CALCRL: variants seen among roughly 807,000 people sequenced by gnomAD.
CALCRL encodes calcitonin receptor like receptor.
Under a neutral mutation model 60.4 loss-of-function variants are expected in CALCRL, and 27 were observed. The observed-to-expected ratio is 0.45, with a 90% confidence interval of 0.33 to 0.62. The LOEUF is 0.62. Among genes scored for constraint, CALCRL ranks in the 20% least tolerant of loss-of-function variants. The pLI, the probability that CALCRL is intolerant of heterozygous loss-of-function variation, is 0.03. For synonymous variants in CALCRL, 190 were observed against 182.6 expected, an observed-to-expected ratio of 1.04 and a Z score of -0.33; for missense variants, 424 against 540.7, an observed-to-expected ratio of 0.78 and a Z score of 2.14.
At position 187,345,901 on chromosome 2, in the gene CALCRL, T is replaced by C. The variant is rs370295233; in HGVS notation, c.*283A>G. 7 of 268,702 alleles carry C rather than the reference T, an allele frequency of 2.6e-5. No homozygotes were observed. The highest frequency in any genetic ancestry group is 8.9e-5 in the African/African-American group (4 of 45,036). 16.6% of individuals were successfully genotyped at this position (268,702 alleles called of 1,614,324 possible). A position where few individuals can be genotyped will look rare whatever the true frequency, so the allele number is the denominator to read the frequency against. ...GCTTACACCAGCTCAGAAAAGTTGA[T>C]TGTGCTTTTCTCCAATTCCACACTT... On this transcript the variant is annotated 3_prime_UTR_variant, in exon 15 of 15. Transcript: ENST00000392370.
intron 8 of CALCRL, among the ~76,000 whole-genome samples, chr2:187,364,287 G>A (rs767663428): frequency 3.3e-5 from 5 of 152,102 alleles, no homozygotes; most frequent in African/African-American, 9.7e-5. Context: ...CTGCCTGCCC[G>A]TGTTCAAGCG....
chr2:187,402,113 G>A (rs1185211718), intron 1 of CALCRL, among the ~76,000 whole-genome samples: 1 of 151,386 alleles, frequency 6.6e-6, no homozygotes, highest in Non-Finnish European at 1.5e-5. Context: ...ACTAAAATTT[G>A]TTTCTCTGGT....
intron 1 of CALCRL, among the ~76,000 whole-genome samples, chr2:187,393,437 T>C (rs1049257126): frequency 6.6e-6 from 1 of 152,112 alleles, no homozygotes; most frequent in Non-Finnish European, 1.5e-5. Flanking sequence ...AAGCAAAATA[T>C]TCTGCAGTGT....
At chr2:187,357,186 A>T (rs1686830981) in intron 12 of CALCRL, among the ~76,000 whole-genome samples, 1 of 152,124 alleles carries the variant, frequency 6.6e-6, no homozygotes, top group Non-Finnish European at 1.5e-5. Context: ...TCATTCTACT[A>T]TAAAGACACA....
At position 187,375,176 on chromosome 2, in the gene CALCRL, G is replaced by A. The variant is rs1687699070; in HGVS notation, c.500+3764C>T. 2.0e-5 allele frequency among the ~76,000 whole-genome samples: 3 copies of A among 150,882 alleles called. No homozygotes were observed. The South Asian group carries it at 6.3e-4, about 31-fold the overall frequency. ...AGTCCCAGCTACTCGGGAGGCTGAG[G>A]CAGGAGAATGGCGTGAACCCGGGAA... On this transcript the variant is annotated intron_variant, in intron 8 of 14. Transcript: ENST00000392370.
At chr2:187,360,814 C>T (rs893742754) in intron 9 of CALCRL, 63 bp from the exon 10 acceptor site, 2 of 1,448,372 alleles carry the variant, frequency 1.4e-6, no homozygotes, top group Admixed American at 4.3e-5. Context: ...AAGCAATACT[C>T]TAGTTTAGCT....
intron 1 of CALCRL, among the ~76,000 whole-genome samples, chr2:187,401,734 T>C (rs1031870383): frequency 2.0e-5 from 3 of 151,774 alleles, no homozygotes; most frequent in Middle Eastern, 6.8e-3. Context: ...AGATATTTTA[T>C]TATATTTGTG....
intron 14 of CALCRL, among the ~76,000 whole-genome samples, chr2:187,348,459 AG>A (rs1330727647): frequency 6.6e-6 from 1 of 151,692 alleles, no homozygotes; most frequent in Admixed American, 6.6e-5. Flanking sequence ...TTCTATATAA[AG>A]TATGAGAAAA....
intron 1 of CALCRL, among the ~76,000 whole-genome samples, chr2:187,443,922 A>ACAAATGAGT (rs1691047291): frequency 6.6e-6 from 1 of 151,730 alleles, no homozygotes; most frequent in Non-Finnish European, 1.5e-5. Context: ...GGTTCAAATT[A>ACAAATGAGT]ACACTCATTT....
At chr2:187,363,347 A>T (rs761469989) in intron 9 of CALCRL, 29 bp downstream of exon 9, 16 of 1,597,036 alleles carry the variant, frequency 1.0e-5, no homozygotes, top group Non-Finnish European at 1.2e-5. Flanking sequence ...TAGGCCCTTG[A>T]ACCAAGGGCA....
rs1686126316 is a variant in CALCRL at position 187,342,484 on chromosome 2, T to C, written c.*3700A>G. 2.0e-5 allele frequency among the ~76,000 whole-genome samples: 3 copies of C among 151,694 alleles called. No homozygotes were observed. The highest frequency in any genetic ancestry group is 3.8e-4 in the East Asian group (2 of 5,196). Reference sequence around the variant, plus strand: ...TAAAACCAACTTGAGGAGGTCTATATTGTAATTAACACTCTCATGTACCTA... The same window carrying C: ...TAAAACCAACTTGAGGAGGTCTATACTGTAATTAACACTCTCATGTACCTA... On this transcript the variant is annotated 3_prime_UTR_variant, in exon 15 of 15. Coordinates refer to ENST00000392370, the MANE Select transcript of CALCRL (RefSeq NM_005795.6).
chr2:187,359,466 G>T (rs964995452), intron 10 of CALCRL, among the ~76,000 whole-genome samples, 194 bp from the exon 11 acceptor site: 7 of 152,040 alleles, frequency 4.6e-5, no homozygotes, highest in Admixed American at 2.0e-4. Flanking sequence ...ACATTTTTGT[G>T]TTTGTGTGTT....
intron 12 of CALCRL, among the ~76,000 whole-genome samples, chr2:187,352,930 C>CT (rs1686599094): frequency 6.6e-6 from 1 of 151,752 alleles, no homozygotes; most frequent in South Asian, 2.1e-4. Context: ...CATTCTAGAG[C>CT]TAAAATAATT....
At chr2:187,376,262 G>C (rs1019892916) in intron 8 of CALCRL, among the ~76,000 whole-genome samples, 1 of 151,924 alleles carries the variant, frequency 6.6e-6, no homozygotes, top group Non-Finnish European at 1.5e-5. Flanking sequence ...TTTTTTAATT[G>C]AGCTATTTTT....
intron 1 of CALCRL, among the ~76,000 whole-genome samples, chr2:187,444,214 G>A (rs141124130): frequency 8.6e-5 from 13 of 151,624 alleles, no homozygotes; most frequent in African/African-American, 3.1e-4. Context: ...TTATACAAAA[G>A]TTTATGTCAT....
intron 9 of CALCRL, among the ~76,000 whole-genome samples, chr2:187,361,213 C>G (rs538438131): frequency 6.6e-6 from 1 of 152,118 alleles, no homozygotes; most frequent in South Asian, 2.1e-4. Context: ...CATGCAAATG[C>G]TTATTAAGAA....
Position 187,346,320 on chromosome 2 carries a change from C to A in CALCRL, c.1250G>T (p.Arg417Leu). The change falls in exon 15 of 15, where the codon CGT (arginine) becomes CTT (leucine). Residue 417 changes from arginine to leucine, a missense_variant. Arg to Leu is a moderately radical substitution (Grantham distance 102). This residue lies in a region of CALCRL where 222 missense variants were observed against 265.6 expected (regional missense o/e 0.84). Transcript: ENST00000392370. ...TGTTGACACTGTGTAAGACGCACTA[C>A]GAAGAGCTTCTGAGTTGGAAAAGCT... The part of the protein sequence containing the change: ...GNSFSNSEAL[R>L]SASYTVSTIS... The A allele has an allele frequency of 1.2e-6, 2 of 1,612,436 alleles. No homozygotes were observed. Among genetic ancestry groups the A allele is most frequent in the Non-Finnish European group, 1.7e-6 (2 of 1,179,006 alleles).
chr2:187,436,350 C>T (rs1164148920), intron 1 of CALCRL, among the ~76,000 whole-genome samples: 4 of 152,084 alleles, frequency 2.6e-5, no homozygotes, highest in Non-Finnish European at 5.9e-5. Flanking sequence ...TTCACTTTAC[C>T]AAACAGCACT....
Position 187,350,898 on chromosome 2 carries a change from C to A in CALCRL, c.1170+1022G>T, listed in dbSNP as rs144116795. ...CTTTGTTCAATTTTGCCAAAATCCT[C>A]CTACAGGTTAAATTGTGTCGAGCAG... On this transcript the variant is annotated intron_variant, in intron 14 of 14. Transcript: ENST00000392370. Among the ~76,000 whole-genome samples, 896 of 151,774 alleles carry A rather than the reference C, an allele frequency of 5.9e-3. 10 individuals are homozygous for A. Among genetic ancestry groups the A allele is most frequent in the African/African-American group, 0.021 (873 of 41,476 alleles).
Sources: gnomAD v4.1 joint callset for allele counts (sites outside exome capture counted in the v4.1 genomes callset) on GRCh38, gnomAD v4.1.1 for gene constraint, gnomAD v4.1.1 regional missense constraint, MANE v1.5 for transcripts, NCBI Gene and HGNC (gene_info 2026-07-23, HGNC 2026-07-21) for gene names.